Variants in MAPK10 observed in about 807,000 individuals in gnomAD.
The protein encoded by MAPK10 is mitogen-activated protein kinase 10, also known as JNK3 alpha protein kinase.
MAPK10 carries 25 observed loss-of-function variants against 59.3 expected under a neutral mutation model. The observed-to-expected ratio is 0.42, with a 90% confidence interval of 0.31 to 0.59. MAPK10 has a LOEUF of 0.59. MAPK10 is among the 20% of genes least tolerant of loss of function. The probability of loss-of-function intolerance (pLI) is 0.15; values close to 1 mark genes in which losing one functional copy is unlikely to be tolerated. For synonymous variants in MAPK10, 190 were observed against 200.5 expected (o/e 0.95, Z 0.44); for missense variants, 351 against 568.9 (o/e 0.62, Z 3.90).
At chr4:86,590,173 T>C (rs1215377140) in intron 1 of MAPK10, among the ~76,000 whole-genome samples, 2 of 152,004 alleles carry the variant, frequency 1.3e-5, no homozygotes, top group Admixed American at 1.3e-4. Context: ...AAAATCAATA[T>C]ACTAGATGAG....
intron 1 of MAPK10, among the ~76,000 whole-genome samples, chr4:86,495,210 T>A (rs899564557): frequency 2.6e-5 from 4 of 152,190 alleles, no homozygotes; most frequent in African/African-American, 9.7e-5. Context: ...TATGGTAAGA[T>A]GGGAGGCATT....
chr4:86,070,888 G>C (rs1339240606), intron 9 of MAPK10, among the ~76,000 whole-genome samples: 1 of 151,992 alleles, frequency 6.6e-6, no homozygotes, highest in Non-Finnish European at 1.5e-5. Context: ...ATGATTTATA[G>C]TCATTTGGGT....
At chr4:86,195,162 T>C (rs369679582) in intron 2 of MAPK10, among the ~76,000 whole-genome samples, 77 of 152,276 alleles carry the variant, frequency 5.1e-4, no homozygotes, top group African/African-American at 1.8e-3. Context: ...AATGCCAAAT[T>C]AGGTACTAAG....
intron 1 of MAPK10, among the ~76,000 whole-genome samples, chr4:86,557,887 A>G (rs140087291): frequency 3.6e-4 from 55 of 152,210 alleles, no homozygotes; most frequent in African/African-American, 1.2e-3. Context: ...AGAGAAACAT[A>G]CTTTCCCACA....
chr4:86,222,356 C>A (rs920295351), intron 2 of MAPK10, among the ~76,000 whole-genome samples: 2 of 152,150 alleles, frequency 1.3e-5, no homozygotes, highest in Non-Finnish European at 2.9e-5. Context: ...ACTGACAGCA[C>A]ACAGCTGAGC....
At chr4:86,564,709 G>A (rs1760933580) in intron 1 of MAPK10, among the ~76,000 whole-genome samples, 1 of 152,056 alleles carries the variant, frequency 6.6e-6, no homozygotes, top group South Asian at 2.1e-4. Context: ...CCTTTTTAAG[G>A]AGGTGAAACC....
At position 86,067,921 on chromosome 4, in the gene MAPK10, T is replaced by C. The variant is rs2148994635; in HGVS notation, c.837A>G (p.Leu279=). ...IDQWNKVIEQ[L]GTPCPEFMKK... is the part of the protein sequence containing the mutation. ...TCATGAATTCTGGACATGGTGTTCCTAGTTGTTCAATTACCTTATTCCACT... is the reference window on the plus strand; with the variant it reads ...TCATGAATTCTGGACATGGTGTTCCCAGTTGTTCAATTACCTTATTCCACT... Residue 279 remains leucine, a synonymous_variant, in exon 10 of 14, where the codon CTA becomes CTG. Coordinates refer to ENST00000641462, the MANE Select transcript of MAPK10 (RefSeq NM_138982.4). The C allele has an allele frequency of 1.2e-6, 2 of 1,613,278 alleles. No individual in the cohort carries two copies. Among genetic ancestry groups the C allele is most frequent in the East Asian group, 4.5e-5 (2 of 44,880 alleles).
At chr4:86,081,218 T>C (rs1233338892) in intron 9 of MAPK10, 1 of 152,028 alleles carries the variant, frequency 6.6e-6, no homozygotes, top group Non-Finnish European at 1.5e-5. Context: ...TAGGTCCTTC[T>C]TTCACACATA....
At chr4:86,461,126 C>A (rs974570303) in intron 1 of MAPK10, among the ~76,000 whole-genome samples, 15 of 16,774 alleles carry the variant, frequency 8.9e-4, no homozygotes, top group Non-Finnish European at 2.3e-3. Context: ...CACCTGAGTA[C>A]TCTTTTTTTT....
chr4:86,208,380 G>T (rs1406039404), intron 2 of MAPK10, among the ~76,000 whole-genome samples: 1 of 148,352 alleles, frequency 6.7e-6, no homozygotes, highest in Admixed American at 6.6e-5. Flanking sequence ...ACATCAAAAA[G>T]CTTATCCACC....
intron 1 of MAPK10, among the ~76,000 whole-genome samples, chr4:86,504,957 G>A (rs1335645061): frequency 6.6e-6 from 1 of 152,110 alleles, no homozygotes. Flanking sequence ...ATCCAGCAAA[G>A]TCTTTCCACC....
At chr4:86,313,586 C>T (rs1483950540) in intron 2 of MAPK10, among the ~76,000 whole-genome samples, 1 of 152,042 alleles carries the variant, frequency 6.6e-6, no homozygotes, top group African/African-American at 2.4e-5. Flanking sequence ...AGGAAGACAT[C>T]CAAGTGGCCA....
intron 2 of MAPK10, among the ~76,000 whole-genome samples, chr4:86,314,397 T>C (rs973093822): frequency 1.3e-5 from 2 of 152,178 alleles, no homozygotes; most frequent in African/African-American, 4.8e-5. Context: ...GTTCTCATGG[T>C]AGTGAATAAG....
At chr4:86,180,947 C>G in intron 3 of MAPK10, among the ~76,000 whole-genome samples, 1 of 151,962 alleles carries the variant, frequency 6.6e-6, no homozygotes, top group South Asian at 2.1e-4. Flanking sequence ...TGTAGGGTGA[C>G]TATAGTTTAT....
In MAPK10 at chr4:86,103,261, G is replaced by A. The variant is rs748090680; in HGVS notation, c.367-17C>T. On this transcript the variant is annotated splice_polypyrimidine_tract_variant and intron_variant, in intron 5 of 13. Coordinates refer to ENST00000641462, the MANE Select transcript of MAPK10 (RefSeq NM_138982.4). Reference sequence around the variant, plus strand: ...ACTAATAATCTGAAAGAGAGTGGAAGGGACAGAGGAAACGAGAGAAAGAAA... The same window carrying A: ...ACTAATAATCTGAAAGAGAGTGGAAAGGACAGAGGAAACGAGAGAAAGAAA... 2.4e-6 allele frequency: 3 copies of A among 1,249,192 alleles called. No individual in the cohort carries two copies. Among genetic ancestry groups the A allele is most frequent in the Non-Finnish European group, 3.5e-6 (3 of 849,694 alleles). The allele number at this position is 1,249,192 out of a possible 1,614,324, so 77.4% of individuals were successfully genotyped here.
chr4:86,179,611 A>C (rs1403566034), intron 3 of MAPK10, among the ~76,000 whole-genome samples: 1 of 152,180 alleles, frequency 6.6e-6, no homozygotes, highest in East Asian at 1.9e-4. Flanking sequence ...CTACAAGGCT[A>C]TAGTAACCAA....
chr4:86,226,341 G>GT (rs1226463092), intron 2 of MAPK10, among the ~76,000 whole-genome samples: 3 of 152,184 alleles, frequency 2.0e-5, no homozygotes, highest in Non-Finnish European at 4.4e-5. Flanking sequence ...GTGGAAAGTT[G>GT]TATTTCAAGT....
At chr4:86,039,031 ATGTC>A (rs1295078263) in intron 11 of MAPK10, among the ~76,000 whole-genome samples, 2 of 152,218 alleles carry the variant, frequency 1.3e-5, no homozygotes, top group Non-Finnish European at 2.9e-5. Flanking sequence ...TTCAGGAACT[ATGTC>A]TGTGTTCTCA....
intron 4 of MAPK10, chr4:86,152,254 T>A (rs1395940502): frequency 6.6e-6 from 1 of 152,098 alleles, no homozygotes; most frequent in Non-Finnish European, 1.5e-5. Flanking sequence ...CTGTGAAAAA[T>A]GTTTTTAATG....
Sources: allele counts gnomAD v4.1 joint callset (sites outside exome capture counted in the v4.1 genomes callset), GRCh38; gene constraint gnomAD v4.1.1; transcripts MANE v1.5; gene names NCBI Gene and HGNC (gene_info 2026-07-23, HGNC 2026-07-21).